CHCHD3: variants seen among roughly 807,000 people sequenced by gnomAD.
CHCHD3 encodes the protein coiled-coil-helix-coiled-coil-helix domain containing 3.
In CHCHD3, 20 loss-of-function variants were observed where a neutral mutation model predicts 38.2. The observed-to-expected ratio is 0.52, with a 90% CI of 0.37 to 0.76. CHCHD3 has a LOEUF of 0.76. Ranked by LOEUF, CHCHD3 falls within the 30% of genes least tolerant of loss-of-function variation. The pLI is 0.00. For synonymous variants in CHCHD3, 82 were observed against 100.0 expected, an observed-to-expected ratio of 0.82 and a Z score of 1.07; for missense variants, 245 against 279.2, an observed-to-expected ratio of 0.88 and a Z score of 0.87.
chr7:132,869,199 C>G (rs1808705754), intron 5 of CHCHD3, among the ~76,000 whole-genome samples: 2 of 152,142 alleles, frequency 1.3e-5, no homozygotes, highest in South Asian at 4.1e-4. Context: ...GTCCCACAGT[C>G]CCCACACCCT....
intron 1 of CHCHD3, among the ~76,000 whole-genome samples, chr7:133,080,844 T>C (rs2117560350): frequency 6.6e-6 from 1 of 152,318 alleles, no homozygotes; most frequent in Middle Eastern, 3.4e-3. Context: ...TATTTCCTGG[T>C]AACAACTGTT....
intron 3 of CHCHD3, among the ~76,000 whole-genome samples, chr7:133,006,104 G>A (rs963724274): frequency 6.6e-6 from 1 of 152,108 alleles, no homozygotes; most frequent in Non-Finnish European, 1.5e-5. Context: ...AAGAATTAAA[G>A]TATCTAAACT....
chr7:132,809,901 G>T (rs1807024752), intron 6 of CHCHD3, among the ~76,000 whole-genome samples: 1 of 152,076 alleles, frequency 6.6e-6, no homozygotes, highest in South Asian at 2.1e-4. Flanking sequence ...GAACATAGAG[G>T]CTTTAAAAAA....
intron 3 of CHCHD3, among the ~76,000 whole-genome samples, chr7:133,007,303 T>C (rs759332685): frequency 1.3e-5 from 2 of 152,134 alleles, no homozygotes; most frequent in African/African-American, 2.4e-5. Context: ...ACCCACTTGA[T>C]TGTGCCCATG....
chr7:132,940,352 TG>T (rs1449792296), intron 4 of CHCHD3, among the ~76,000 whole-genome samples: 1 of 152,202 alleles, frequency 6.6e-6, no homozygotes, highest in Non-Finnish European at 1.5e-5. Context: ...CTGGCATCCC[TG>T]GGAAATAAGG....
chr7:132,985,999 G>A (rs2117359130), intron 3 of CHCHD3, among the ~76,000 whole-genome samples: 1 of 151,860 alleles, frequency 6.6e-6, no homozygotes, highest in South Asian at 2.1e-4. Flanking sequence ...AAATCGGATG[G>A]TTGCCATGTC....
chr7:132,884,586 G>T (rs1004628673), intron 5 of CHCHD3, among the ~76,000 whole-genome samples: 2 of 152,112 alleles, frequency 1.3e-5, no homozygotes, highest in Non-Finnish European at 2.9e-5. Context: ...CTGAGTGAGG[G>T]TTAATAGTGT....
At chr7:132,887,947 C>T (rs1263750435) in intron 4 of CHCHD3, among the ~76,000 whole-genome samples, 1 of 151,650 alleles carries the variant, frequency 6.6e-6, no homozygotes, top group Non-Finnish European at 1.5e-5. Context: ...TTATGGTACT[C>T]AAGTACTATA....
At chr7:133,037,391 C>A (rs1813709656) in intron 2 of CHCHD3, among the ~76,000 whole-genome samples, 1 of 152,126 alleles carries the variant, frequency 6.6e-6, no homozygotes, top group Non-Finnish European at 1.5e-5. Flanking sequence ...CATTAAAAAA[C>A]ATGCTTTAAA....
At chr7:132,976,227 T>C (rs543987169) in intron 3 of CHCHD3, among the ~76,000 whole-genome samples, 1 of 152,342 alleles carries the variant, frequency 6.6e-6, no homozygotes, top group East Asian at 1.9e-4. Context: ...TCCTCACTTC[T>C]GGAATGACTC....
At chr7:132,798,794 C>T (rs1210750905) in intron 6 of CHCHD3, among the ~76,000 whole-genome samples, 1 of 152,094 alleles carries the variant, frequency 6.6e-6, no homozygotes, top group African/African-American at 2.4e-5. Flanking sequence ...AAAAAGTCTA[C>T]TCACGATGGG....
At chr7:132,830,353 G>C (rs973809717) in intron 6 of CHCHD3, among the ~76,000 whole-genome samples, 4 of 152,208 alleles carry the variant, frequency 2.6e-5, no homozygotes, top group African/African-American at 9.6e-5. Context: ...TATCCCCGAT[G>C]AGATACGGAA....
At chr7:133,034,467 T>C (rs193215471) in intron 2 of CHCHD3, 7 of 731,132 alleles carry the variant, frequency 9.6e-6, no homozygotes, top group East Asian at 5.5e-5. Context: ...AAAAAATGCA[T>C]CTATAATTCT....
At chr7:133,033,376 C>A (rs1414537057) in intron 2 of CHCHD3, among the ~76,000 whole-genome samples, 1 of 152,138 alleles carries the variant, frequency 6.6e-6, no homozygotes, top group Non-Finnish European at 1.5e-5. Flanking sequence ...CCAGGCACTG[C>A]TAGCCATGAA....
intron 6 of CHCHD3, among the ~76,000 whole-genome samples, chr7:132,810,321 G>A (rs143350240): frequency 3.9e-4 from 60 of 152,296 alleles, no homozygotes; most frequent in East Asian, 2.9e-3. Context: ...TGAACTGCAC[G>A]TACCTCTGTG....
chr7:132,789,204 T>C (rs966201937), intron 7 of CHCHD3, among the ~76,000 whole-genome samples: 3 of 152,158 alleles, frequency 2.0e-5, no homozygotes, highest in African/African-American at 7.2e-5. Context: ...ACATAGGAAA[T>C]TCCCTAAAGA....
chr7:132,847,751 G>A (rs139501309), intron 5 of CHCHD3, among the ~76,000 whole-genome samples: 73 of 152,214 alleles, frequency 4.8e-4, no homozygotes, highest in African/African-American at 1.6e-3. Flanking sequence ...CACAGTATTC[G>A]TGCAATATTT....
At chr7:132,794,556 G>A (rs1017531852) in intron 7 of CHCHD3, among the ~76,000 whole-genome samples, 4 of 151,924 alleles carry the variant, frequency 2.6e-5, no homozygotes, top group African/African-American at 4.8e-5. Context: ...AAGGTTTGAG[G>A]GCTTCTATCT....
chr7:133,020,713 G>A (rs1420912911), intron 3 of CHCHD3, among the ~76,000 whole-genome samples: 1 of 152,160 alleles, frequency 6.6e-6, no homozygotes, highest in Admixed American at 6.5e-5. Context: ...CAGCAGCTCG[G>A]AAAAATTCCA....
Sources: gnomAD v4.1 joint callset for allele counts (sites outside exome capture counted in the v4.1 genomes callset) on GRCh38, gnomAD v4.1.1 for gene constraint, MANE v1.5 for transcripts, NCBI Gene and HGNC (gene_info 2026-07-23, HGNC 2026-07-21) for gene names.